Variants in CYP2J2 observed in about 807,000 individuals in gnomAD.
CYP2J2 encodes cytochrome P450 family 2 subfamily J member 2, also known as cytochrome P450 2J2.
CYP2J2 carries 41 observed loss-of-function variants against 48.8 expected under a neutral mutation model. The observed-to-expected ratio is 0.84, with a 90% confidence interval of 0.66 to 1.09. The LOEUF is 1.09. Among genes scored for constraint, CYP2J2 ranks in the 50% least tolerant of loss-of-function variants. CYP2J2 has a pLI of 0.00. For synonymous variants in CYP2J2, 221 were observed against 227.1 expected, an observed-to-expected ratio of 0.97 and a Z score of 0.24; for missense variants, 644 against 617.3, an observed-to-expected ratio of 1.04 and a Z score of -0.46.
intron 1 of CYP2J2, 41 bp from the exon 2 acceptor site, chr1:59,916,141 T>C (rs1198756423): frequency 2.5e-5 from 39 of 1,547,134 alleles, no homozygotes; most frequent in Admixed American, 3.5e-5. Flanking sequence ...TATGCACATG[T>C]CCATGTGTTC....
At chr1:59,964,460 C>T in the CYP2J2 span, among the ~76,000 whole-genome samples, 1 of 152,318 alleles carries the variant, frequency 6.6e-6, no homozygotes, top group Middle Eastern at 3.4e-3. Context: ...AAGGCTGCAA[C>T]TAATGGCCAG....
At chr1:59,894,870 G>A (rs985664802) in intron 8 of CYP2J2, among the ~76,000 whole-genome samples, 2 of 152,084 alleles carry the variant, frequency 1.3e-5, no homozygotes, top group Non-Finnish European at 2.9e-5. Context: ...TCTTTTGGGT[G>A]GTAGCATTAC....
the CYP2J2 span, among the ~76,000 whole-genome samples, chr1:59,955,125 A>G: frequency 6.6e-6 from 1 of 150,690 alleles, no homozygotes; most frequent in East Asian, 1.9e-4. Flanking sequence ...TGATAGAGTG[A>G]GACCATCTCC....
chr1:59,929,839 A>G (rs146537568), upstream of CYP2J2, among the ~76,000 whole-genome samples: 8 of 152,332 alleles, frequency 5.3e-5, no homozygotes, highest in Non-Finnish European at 1.0e-4. Flanking sequence ...AAGAGCAGAA[A>G]CATATTTGAA....
the CYP2J2 span, among the ~76,000 whole-genome samples, chr1:59,959,952 T>C: frequency 6.6e-6 from 1 of 152,130 alleles, no homozygotes; most frequent in Non-Finnish European, 1.5e-5. Flanking sequence ...CAGTGTACAC[T>C]GCTCGGGTGA....
the CYP2J2 span, among the ~76,000 whole-genome samples, chr1:59,933,624 C>A: frequency 2.0e-5 from 3 of 152,142 alleles, no homozygotes; most frequent in East Asian, 1.9e-4. Context: ...AAGATTATGT[C>A]ATCTGTGAAC....
chr1:59,921,991 C>T (rs1644520035), intron 1 of CYP2J2, among the ~76,000 whole-genome samples: 1 of 152,142 alleles, frequency 6.6e-6, no homozygotes, highest in African/African-American at 2.4e-5. Flanking sequence ...ACTAACCTAC[C>T]CCCATCCTCA....
chr1:59,965,773 T>C, the CYP2J2 span, among the ~76,000 whole-genome samples: 5 of 152,250 alleles, frequency 3.3e-5, no homozygotes, highest in Admixed American at 1.3e-4. Flanking sequence ...TGTCTCAGGC[T>C]CCCGAGTAGC....
intron 8 of CYP2J2, 122 bp from the exon 9 acceptor site, chr1:59,893,951 G>T: frequency 1.1e-6 from 1 of 881,082 alleles, no homozygotes. Context: ...AGGCCCCAGG[G>T]TGTTATGGCC....
At chr1:59,923,263 T>G (rs1644533780) in intron 1 of CYP2J2, among the ~76,000 whole-genome samples, 6 of 152,246 alleles carry the variant, frequency 3.9e-5, no homozygotes, top group Admixed American at 3.9e-4. Flanking sequence ...AGAATAGCAC[T>G]GCAGAGGCTT....
At chr1:59,954,121 T>A in the CYP2J2 span, among the ~76,000 whole-genome samples, 1 of 152,188 alleles carries the variant, frequency 6.6e-6, no homozygotes, top group Non-Finnish European at 1.5e-5. Context: ...CATCCTGATA[T>A]TCACGGAAGT....
At chr1:59,954,864 T>C in the CYP2J2 span, among the ~76,000 whole-genome samples, 1 of 152,040 alleles carries the variant, frequency 6.6e-6, no homozygotes, top group Non-Finnish European at 1.5e-5. Context: ...TAGCCAGGCA[T>C]GGTGGCACAT....
chr1:59,918,990 C>G (rs980619391), intron 1 of CYP2J2, among the ~76,000 whole-genome samples: 5 of 152,014 alleles, frequency 3.3e-5, no homozygotes, highest in African/African-American at 1.2e-4. Context: ...TACAGAGATT[C>G]CACTGAATCT....
the CYP2J2 span, among the ~76,000 whole-genome samples, chr1:59,957,668 TCACAGACA>T: frequency 2.7e-5 from 4 of 150,424 alleles, no homozygotes; most frequent in Admixed American, 6.7e-5. Context: ...TGAGAAATAT[TCACAGACA>T]CACAGACACA....
rs773108427 is a variant in CYP2J2, at chr1:59,912,212, C to T, written c.473G>A (p.Arg158His). The T allele has an allele frequency of 4.6e-5, 74 of 1,613,890 alleles. No homozygotes were observed. Among genetic ancestry groups the T allele is most frequent in the African/African-American group, 9.3e-5 (7 of 75,026 alleles). The change falls in exon 3 of 9, where the codon CGC becomes CAC. Residue 158 changes from arginine (R) to histidine (H), a missense_variant. Arg to His is a conservative substitution (Grantham distance 29, BLOSUM62 0). Transcript: ENST00000371204. ...GAGGTGTTGGGCCTCCTCCTGAATG[C>T]GTTCCTCTAAGCTCTTCTTTCCTAA... ...FGLGKKSLEERIQEEAQHLTE... is the reference protein window; with the variant it reads ...FGLGKKSLEEHIQEEAQHLTE...
In CYP2J2 at chr1:59,911,763, G is replaced by T. The variant is rs1044923053; in HGVS notation, c.529C>A (p.Pro177Thr). The T allele has an allele frequency of 1.2e-6, 2 of 1,612,538 alleles. No homozygotes were observed. Among genetic ancestry groups the T allele is most frequent in the South Asian group, 1.1e-5 (1 of 90,672 alleles). ...TEAIKEENGQ[P>T]FDPHFKINNA... ...TTGATCTTGAAATGAGGGTCAAAAGGCTGTCCTGAAGGTGGAGGAAGGGCA... is the reference window on the plus strand; with the variant it reads ...TTGATCTTGAAATGAGGGTCAAAAGTCTGTCCTGAAGGTGGAGGAAGGGCA... The change falls in exon 4 of 9, where the codon CCT (proline) becomes ACT (threonine). Residue 177 changes from proline (P) to threonine (T), a missense_variant. Pro to Thr is a conservative substitution (Grantham distance 38). Coordinates refer to ENST00000371204, the MANE Select transcript of CYP2J2 (RefSeq NM_000775.4).
the CYP2J2 span, among the ~76,000 whole-genome samples, chr1:59,945,971 A>G: frequency 2.0e-5 from 3 of 152,172 alleles, no homozygotes; most frequent in African/African-American, 7.2e-5. Flanking sequence ...TCTCATCTCC[A>G]TTATGGCAAA....
chr1:59,965,853 T>C, the CYP2J2 span, among the ~76,000 whole-genome samples: 10 of 152,120 alleles, frequency 6.6e-5, no homozygotes, highest in African/African-American at 2.4e-4. Flanking sequence ...GGCTTCGTCA[T>C]GTTGGTCAGG....
At chr1:59,915,244 C>T (rs555216060) in intron 2 of CYP2J2, among the ~76,000 whole-genome samples, 4 of 152,230 alleles carry the variant, frequency 2.6e-5, no homozygotes, top group African/African-American at 9.6e-5. Flanking sequence ...GTATGCTGAG[C>T]GCCAGTCCCC....
Sources: gnomAD v4.1 joint callset for allele counts (sites outside exome capture counted in the v4.1 genomes callset) on GRCh38, gnomAD v4.1.1 for gene constraint, MANE v1.5 for transcripts, NCBI Gene and HGNC (gene_info 2026-07-23, HGNC 2026-07-21) for gene names.